Variants in DMTN observed in about 807,000 individuals in gnomAD.
The protein encoded by DMTN is dematin.
In DMTN, 27 loss-of-function variants were observed where a neutral mutation model predicts 59.4. That is an observed-to-expected ratio of 0.45 (90% CI 0.33 to 0.63). The LOEUF (loss-of-function observed/expected upper bound fraction) is 0.63, where lower values mean the gene tolerates loss of function less well. DMTN is among the 20% of genes least tolerant of loss of function. DMTN has a pLI of 0.02. For synonymous variants in DMTN, 221 were observed against 203.7 expected, an observed-to-expected ratio of 1.08 and a Z score of -0.72; for missense variants, 451 against 528.9, an observed-to-expected ratio of 0.85 and a Z score of 1.45.
chr8:22,070,246 G>C lies in DMTN; in HGVS notation c.516G>C (p.Lys172Asn). ...LIEDLIIESS[K>N]FPAAQPPDPN... The stretch of plus-strand genomic sequence containing the variant: ...AGGATCTCATCATCGAGTCATCCAA[G>C]TTTCCTGCAGCCCAGCCCCCAGACC... Residue 172 changes from lysine (K) to asparagine (N), a missense_variant, in exon 8 of 16, where the codon AAG (lysine) becomes AAC (asparagine). Lys to Asn is a moderately conservative substitution (Grantham distance 94). Transcript: ENST00000358242. 1.2e-6 allele frequency: 2 copies of C among 1,613,010 alleles called. No homozygotes were observed. Among genetic ancestry groups the C allele is most frequent in the Non-Finnish European group, 1.7e-6 (2 of 1,179,510 alleles).
intron 3 of DMTN, 33 bp downstream of exon 3, chr8:22,067,192 G>A (rs762590997): frequency 3.7e-6 from 6 of 1,601,992 alleles, no homozygotes; most frequent in African/African-American, 2.7e-5. Flanking sequence ...AGCAACCCCT[G>A]GCTGGGAGGG....
At position 22,080,269 on chromosome 8, in the gene DMTN, A is replaced by G. The variant is rs779163925; in HGVS notation, c.900+25A>G. The G allele has an allele frequency of 3.7e-6, 6 of 1,614,042 alleles. No homozygotes were observed. In the African/African-American group the frequency reaches 4.0e-5, roughly 11 times the overall value. Reference sequence around the variant, plus strand: ...GGTAAGGTCTCAGGACCAGAGATATAGACTACGTGGGAGGAACGTGCATGT... The same window carrying G: ...GGTAAGGTCTCAGGACCAGAGATATGGACTACGTGGGAGGAACGTGCATGT... On this transcript the variant is annotated intron_variant, in intron 11 of 15. Coordinates refer to ENST00000358242, the MANE Select transcript of DMTN (RefSeq NM_001387751.1).
rs146843724 is a variant in DMTN at position 22,081,944 on chromosome 8, G to C, written c.*481G>C. 6.3e-4 allele frequency: 286 copies of C among 453,706 alleles called. 3 individuals carry two copies. The highest frequency in any genetic ancestry group is 5.0e-3 in the African/African-American group (247 of 49,208). The allele number at this position is 453,706 out of a possible 1,614,324, so 28.1% of individuals were successfully genotyped here. A position where few individuals can be genotyped will look rare whatever the true frequency, so the allele number is the denominator to read the frequency against. On this transcript the variant is annotated 3_prime_UTR_variant, in exon 16 of 16. Coordinates refer to ENST00000358242, the MANE Select transcript of DMTN (RefSeq NM_001387751.1). ...GCAGCCTCCTGCTCCTCTGACTCTA[G>C]TGGGAACAGGCCCCAGCTCAGCCTC...
upstream of DMTN, among the ~76,000 whole-genome samples, chr8:22,051,006 T>C (rs778196381): frequency 6.6e-6 from 1 of 152,216 alleles, no homozygotes; most frequent in Non-Finnish European, 1.5e-5. Flanking sequence ...CATGCACATC[T>C]AGGCGGTTGG....
chr8:22,060,788 C>T lies in DMTN; in HGVS notation c.-172+3652C>T, dbSNP rs570410176. Among the ~76,000 whole-genome samples, 4 of 152,376 alleles carry T rather than the reference C, an allele frequency of 2.6e-5. No homozygotes were observed. In the South Asian group the frequency reaches 8.3e-4, roughly 32 times the overall value. ...AGGTGAGAGGCCAGAGGCTTAGTGA[C>T]TCACACCAGCTTTGCCTGGGTAGTA... On this transcript the variant is annotated intron_variant, in intron 1 of 15. Coordinates refer to ENST00000358242, the MANE Select transcript of DMTN (RefSeq NM_001387751.1). The surrounding 1 kb of genome is among the most constrained non-coding windows in gnomAD (Gnocchi z 5.0).
intron 4 of DMTN, among the ~76,000 whole-genome samples, chr8:22,067,957 G>C (rs553099793): frequency 6.6e-6 from 1 of 152,368 alleles, no homozygotes; most frequent in South Asian, 2.1e-4. Flanking sequence ...TGTGGAAACA[G>C]TTCAGAAGCA....
chr8:22,079,067 G>A (rs1416936657), intron 10 of DMTN, among the ~76,000 whole-genome samples: 2 of 150,702 alleles, frequency 1.3e-5, no homozygotes, highest in African/African-American at 2.4e-5. Context: ...CAGAATGCTG[G>A]GATCACAGGT....
At chr8:22,049,166 G>A (rs1171321752), upstream of DMTN, 1 of 149,790 alleles carries the variant, frequency 6.7e-6, no homozygotes, top group Non-Finnish European at 1.5e-5. Flanking sequence ...GCCCGGCGGA[G>A]CCCGGGCGGC....
At chr8:22,053,198 A>T (rs552130442), upstream of DMTN, among the ~76,000 whole-genome samples, 1 of 152,296 alleles carries the variant, frequency 6.6e-6, no homozygotes, top group South Asian at 2.1e-4. Context: ...GCAGGAAGTG[A>T]TTGGATCAAA....
chr8:22,051,803 A>G (rs144062840), upstream of DMTN, among the ~76,000 whole-genome samples: 1,094 of 152,032 alleles, frequency 7.2e-3, 7 homozygotes, highest in Non-Finnish European at 0.012. Context: ...GCCTCTCAAC[A>G]CTGCCCTCCA....
chr8:22,076,439 T>C (rs1819832422), intron 10 of DMTN, among the ~76,000 whole-genome samples: 1 of 152,052 alleles, frequency 6.6e-6, no homozygotes, highest in South Asian at 2.1e-4. Context: ...ACACTGTCTC[T>C]ATAAAAAATA....
At chr8:22,072,607 G>T (rs1377910051) in intron 9 of DMTN, among the ~76,000 whole-genome samples, 157 bp downstream of exon 9, 1 of 149,496 alleles carries the variant, frequency 6.7e-6, no homozygotes, top group African/African-American at 2.5e-5. Flanking sequence ...GGGATTACAG[G>T]CACGCCACCA....
At chr8:22,064,400 A>G (rs1000444411) in intron 1 of DMTN, among the ~76,000 whole-genome samples, 3 of 152,236 alleles carry the variant, frequency 2.0e-5, no homozygotes, top group Admixed American at 1.3e-4. Flanking sequence ...CGAGAGGAGT[A>G]TAAAGTTCCA....
At position 22,060,271 on chromosome 8, in the gene DMTN, G is replaced by T. The variant is rs553337306; in HGVS notation, c.-172+3135G>T. ...GGGTGCATGGATGGGAGAGGGGTCT[G>T]GATGGGAGGAGGTGGAGTGAGCTGG... On this transcript the variant is annotated intron_variant, in intron 1 of 15. Transcript: ENST00000358242. The surrounding 1 kb of genome is among the most constrained non-coding windows in gnomAD (Gnocchi z 5.0). Among the ~76,000 whole-genome samples the T allele has an allele frequency of 6.6e-6, 1 of 152,286 alleles. No homozygotes were observed. Among genetic ancestry groups the T allele is most frequent in the African/African-American group, 2.4e-5 (1 of 41,544 alleles).
upstream of DMTN, among the ~76,000 whole-genome samples, chr8:22,054,147 C>T (rs143724763): frequency 6.1e-3 from 899 of 147,062 alleles, 6 homozygotes; most frequent in Non-Finnish European, 8.6e-3. Context: ...CAGCCCAGAT[C>T]CCTGGCAGCA....
At chr8:22,065,410 TGG>T (rs1163709924) in intron 1 of DMTN, among the ~76,000 whole-genome samples, 4 of 152,168 alleles carry the variant, frequency 2.6e-5, no homozygotes, top group Non-Finnish European at 5.9e-5. Flanking sequence ...TAAGTACCAC[TGG>T]AATTCAGAGA....
At chr8:22,071,741 A>C (rs1815700096) in intron 8 of DMTN, among the ~76,000 whole-genome samples, 2 of 151,468 alleles carry the variant, frequency 1.3e-5, no homozygotes, top group Admixed American at 6.6e-5. Context: ...CACCACGCCC[A>C]GCTAATTTTT....
At position 22,080,644 on chromosome 8, in the gene DMTN, G is replaced by T; in HGVS notation, c.957+19G>T. 1 of 1,600,808 alleles carries T rather than the reference G, an allele frequency of 6.2e-7. No individual in the cohort carries two copies. The highest frequency in any genetic ancestry group is 8.5e-7 in the Non-Finnish European group (1 of 1,173,500). On this transcript the variant is annotated intron_variant, in intron 13 of 15. Transcript: ENST00000358242. ...CCTGCAGGTGAGTGCCTCCTGGAGG[G>T]GAACAGGCAGAGCAGCAGAAGCTGG...
At chr8:22,074,754 A>G (rs542244152) in intron 10 of DMTN, among the ~76,000 whole-genome samples, 1 of 152,220 alleles carries the variant, frequency 6.6e-6, no homozygotes, top group East Asian at 1.9e-4. Flanking sequence ...GGGCAGTGAG[A>G]CCAAGAGATG....
Sources: gnomAD v4.1 joint callset for allele counts (sites outside exome capture counted in the v4.1 genomes callset) on GRCh38, gnomAD v4.1.1 for gene constraint, Gnocchi (gnomAD v3.1) non-coding constraint, MANE v1.5 for transcripts, NCBI Gene and HGNC (gene_info 2026-07-23, HGNC 2026-07-21) for gene names.